SPTAN1: variants seen among roughly 807,000 people sequenced by gnomAD.
SPTAN1 encodes the protein spectrin alpha, non-erythrocytic 1, also known as spectrin alpha chain, non-erythrocytic 1.
Under a neutral mutation model 331.3 loss-of-function variants are expected in SPTAN1, and 61 were observed. The observed-to-expected ratio is 0.18, with a 90% CI of 0.15 to 0.23. SPTAN1 has a LOEUF of 0.23. Ranked by LOEUF, SPTAN1 falls within the 10% of genes least tolerant of loss-of-function variation. SPTAN1 has a pLI of 1.00. For missense variants in SPTAN1, 2,043 were observed against 3,147.9 expected (o/e 0.65, Z 8.40); for synonymous variants, 1,153 against 1,173.9 (o/e 0.98, Z 0.36).
chr9:128,583,746 T>TA (rs751247659), intron 15 of SPTAN1, 42 bp from the exon 16 acceptor site: 33 of 1,608,620 alleles, frequency 2.1e-5, no homozygotes, highest in Non-Finnish European at 2.6e-5. Flanking sequence ...GGCAGAAGGG[T>TA]AATGCTAAGC....
chr9:128,584,243 AC>A (rs1258145712), intron 16 of SPTAN1, 38 bp from the exon 17 acceptor site: 61 of 1,613,756 alleles, frequency 3.8e-5, no homozygotes, highest in Non-Finnish European at 5.1e-5. Context: ...ATAAAACCAC[AC>A]CCAAAGTAAA....
In SPTAN1 at chr9:128,615,698, C is replaced by G; in HGVS notation, c.5215C>G (p.Gln1739Glu). 1.2e-6 allele frequency: 2 copies of G among 1,614,182 alleles called. No individual in the cohort carries two copies. Among genetic ancestry groups the G allele is most frequent in the Non-Finnish European group, 1.7e-6 (2 of 1,180,038 alleles). ...LMTSSAFDTS[Q>E]VKDKRDTING... ...GACCAGCAGTGCCTTCGACACCTCC[C>G]AAGTAAAGGACAAGAGGGACACCAT... The change falls in exon 41 of 57, where the codon CAA (glutamine) becomes GAA (glutamate). Residue 1739 changes from glutamine to glutamate, a missense_variant. Coordinates refer to ENST00000372739, the MANE Select transcript of SPTAN1 (RefSeq NM_001130438.3).
Position 128,584,886 on chromosome 9 carries a change from G to A in SPTAN1, c.2560+43G>A, listed in dbSNP as rs4836615. On this transcript the variant is annotated intron_variant, in intron 18 of 56. Transcript: ENST00000372739. ...GTGACATGGCTTGGTGCTGCTCCTC[G>A]TGTCTCCCCTTCTTGCCGAGGGCAT... is the stretch of plus-strand genomic sequence containing the variant. 0.99 allele frequency: 1,605,188 copies of A among 1,613,916 alleles called. 798,642 individuals carry two copies. The highest frequency in any genetic ancestry group is 1 in the East Asian group (44,880 of 44,880).
At chr9:128,631,881 G>C (rs1348125299) in intron 52 of SPTAN1, 2 of 554,356 alleles carry the variant, frequency 3.6e-6, no homozygotes, top group Non-Finnish European at 6.5e-6. Context: ...TGTCCTTGGC[G>C]TGCACTGCCC....
At chr9:128,600,615 C>T (rs1162113700) in intron 27 of SPTAN1, among the ~76,000 whole-genome samples, 1 of 152,164 alleles carries the variant, frequency 6.6e-6, no homozygotes, top group East Asian at 1.9e-4. Context: ...TATGGCTTAA[C>T]CAGAATGGGC....
Position 128,627,816 on chromosome 9 carries a change from TCTTG to T in SPTAN1, c.6690-105_6690-102del. ...GGGTCTGTGCGTTGGGTACTGATGT[TCTTG>T]CTTTTGTTTTCCTTTCTTTCTTGTG... is the stretch of plus-strand genomic sequence containing the variant. On this transcript the variant is annotated intron_variant, in intron 50 of 56. Transcript: ENST00000372739. The surrounding 1 kb of genome is among the most constrained non-coding windows in gnomAD (Gnocchi z 4.9). The T allele has an allele frequency of 7.1e-7, 1 of 1,402,740 alleles. No homozygotes were observed. Among genetic ancestry groups the T allele is most frequent in the Non-Finnish European group, 1.0e-6 (1 of 987,860 alleles). The allele number at this position is 1,402,740 out of a possible 1,614,324, so 86.9% of individuals were successfully genotyped here.
At position 128,615,683 on chromosome 9, in the gene SPTAN1, G is replaced by T; in HGVS notation, c.5200G>T (p.Ala1734Ser). 1 of 1,614,150 alleles carries T rather than the reference G, an allele frequency of 6.2e-7. No homozygotes were observed. ...GGCAGACAGCCTGATGACCAGCAGTGCCTTCGACACCTCCCAAGTAAAGGA... is the reference window on the plus strand; with the variant it reads ...GGCAGACAGCCTGATGACCAGCAGTTCCTTCGACACCTCCCAAGTAAAGGA... Reference protein sequence around the residue: ...SQADSLMTSSAFDTSQVKDKR... With the variant: ...SQADSLMTSSSFDTSQVKDKR... Residue 1734 changes from alanine to serine, a missense_variant, in exon 41 of 57, where the codon GCC (alanine) becomes TCC (serine). This residue lies in a region of SPTAN1 where 323 missense variants were observed against 581.1 expected (regional missense o/e 0.56). Coordinates refer to ENST00000372739, the MANE Select transcript of SPTAN1 (RefSeq NM_001130438.3).
chr9:128,562,415 A>G (rs1202979120), intron 1 of SPTAN1, among the ~76,000 whole-genome samples: 3 of 152,096 alleles, frequency 2.0e-5, no homozygotes, highest in Non-Finnish European at 4.4e-5. Flanking sequence ...TCTGTATGAT[A>G]TTAGATGGTA....
intron 17 of SPTAN1, 62 bp from the exon 18 acceptor site, chr9:128,584,659 A>G (rs1852349108): frequency 1.9e-6 from 3 of 1,614,082 alleles, no homozygotes; most frequent in Admixed American, 3.3e-5. Flanking sequence ...GCTAAGAATG[A>G]CAAATCAGTG....
rs1261579452 is a variant in SPTAN1, at chr9:128,603,503, C to T, written c.3580-40C>T. 5 of 1,612,230 alleles carry T rather than the reference C, an allele frequency of 3.1e-6. No individual in the cohort carries two copies. In the African/African-American group the frequency reaches 6.7e-5, roughly 22 times the overall value. On this transcript the variant is annotated intron_variant, in intron 27 of 56. Coordinates refer to ENST00000372739, the MANE Select transcript of SPTAN1 (RefSeq NM_001130438.3). ...GCAGCTCAGATCTCTAATTGCCAGA[C>T]ACTTGATTAGTTTTGCCTTCTGCTT...
At chr9:128,620,625 G>GGA (rs1459513334) in intron 44 of SPTAN1, among the ~76,000 whole-genome samples, 1 of 152,140 alleles carries the variant, frequency 6.6e-6, no homozygotes, top group Non-Finnish European at 1.5e-5. Context: ...GGCTGAGGCA[G>GGA]GAGAATCGCT....
chr9:128,616,414 T>G (rs1216926243), intron 41 of SPTAN1, among the ~76,000 whole-genome samples: 1 of 150,508 alleles, frequency 6.6e-6, no homozygotes, highest in Non-Finnish European at 1.5e-5. Flanking sequence ...CATGAGCCAC[T>G]GCGCCTGGTC....
chr9:128,575,176 G>T (rs1401893813), intron 4 of SPTAN1, 23 bp from the exon 5 acceptor site: 6 of 1,614,100 alleles, frequency 3.7e-6, no homozygotes, highest in Non-Finnish European at 5.1e-6. Context: ...GGTGACTCTG[G>T]CTCTCTTATG....
chr9:128,599,232 T>G, intron 26 of SPTAN1: 1 of 498,216 alleles, frequency 2.0e-6, no homozygotes, highest in South Asian at 2.0e-5. Context: ...CCTCCCAGGT[T>G]CAAGCGATTC....
chr9:128,589,984 A>G (rs978520727), intron 21 of SPTAN1, among the ~76,000 whole-genome samples: 1 of 152,180 alleles, frequency 6.6e-6, no homozygotes, highest in African/African-American at 2.4e-5. Context: ...CTAAATAATG[A>G]CAATAATAAA....
At chr9:128,555,122 C>G (rs10819406) in intron 1 of SPTAN1, among the ~76,000 whole-genome samples, 25,598 of 152,120 alleles carry the variant, frequency 0.17, 2,778 homozygotes, top group East Asian at 0.44. Context: ...GGCAGCATAT[C>G]TAGAAAGTAA....
intron 29 of SPTAN1, among the ~76,000 whole-genome samples, chr9:128,604,643 T>G (rs1337933359): frequency 6.6e-6 from 1 of 152,154 alleles, no homozygotes. Context: ...CTAAATAAAT[T>G]TTTTTAGGCT....
At position 128,593,053 on chromosome 9, in the gene SPTAN1, T is replaced by C. The variant is rs764140002; in HGVS notation, c.3215+11T>C. The C allele has an allele frequency of 3.1e-6, 5 of 1,607,104 alleles. No homozygotes were observed. The highest frequency in any genetic ancestry group is 4.3e-6 in the Non-Finnish European group (5 of 1,176,462). On this transcript the variant is annotated intron_variant, in intron 23 of 56. Transcript: ENST00000372739. ...GCAGGTGGAAGAACTGTGAGTAGGC[T>C]GAGAGTCTTGCAGAGCACCAATGTC...
At chr9:128,624,608 A>G in intron 46 of SPTAN1, 121 bp downstream of exon 46, 1 of 1,297,526 alleles carries the variant, frequency 7.7e-7, no homozygotes. Context: ...CAGAGAACCT[A>G]CTACCAGGGC....
Sources: allele counts gnomAD v4.1 joint callset (sites outside exome capture counted in the v4.1 genomes callset), GRCh38; gene constraint gnomAD v4.1.1; regional missense constraint gnomAD v4.1.1; non-coding constraint Gnocchi (gnomAD v3.1); transcripts MANE v1.5; gene names NCBI Gene and HGNC (gene_info 2026-07-23, HGNC 2026-07-21).